The following CPED1 variants were observed in gnomAD, a reference collection of about 807,000 sequenced individuals.
CPED1 encodes cadherin-like and PC-esterase domain-containing protein 1.
Under a neutral mutation model 128.2 loss-of-function variants are expected in CPED1, and 114 were observed. The observed-to-expected ratio is 0.89, with a 90% CI of 0.76 to 1.04. The LOEUF is 1.04. Among genes scored for constraint, CPED1 ranks in the 50% least tolerant of loss-of-function variants. CPED1 has a pLI of 0.00. For missense variants in CPED1, 1,211 were observed against 1,207.1 expected (o/e 1.00, Z -0.05); for synonymous variants, 462 against 426.7 (o/e 1.08, Z -1.02).
Position 121,266,454 on chromosome 7 carries a change from T to G in CPED1, c.2531+7T>G, listed in dbSNP as rs762524996. ...TTGAACACCTCTTGCAAAGGTACAA[T>G]GAAACTATAATGAAAGACACAAAAC... On this transcript the variant is annotated splice_region_variant and intron_variant, in intron 19 of 22. Coordinates refer to ENST00000310396, the MANE Select transcript of CPED1 (RefSeq NM_024913.5). 6 of 1,605,250 alleles carry G rather than the reference T, an allele frequency of 3.7e-6. No homozygotes were observed. Among genetic ancestry groups the G allele is most frequent in the Non-Finnish European group, 4.3e-6 (5 of 1,172,408 alleles).
chr7:121,260,062 C>T (rs1178115149), intron 18 of CPED1, among the ~76,000 whole-genome samples: 3 of 151,236 alleles, frequency 2.0e-5, no homozygotes, highest in Non-Finnish European at 4.4e-5. Context: ...AAAGAGTGCA[C>T]CTCACTCTTA....
chr7:121,283,528 G>C (rs1792502557), intron 22 of CPED1, among the ~76,000 whole-genome samples: 1 of 152,216 alleles, frequency 6.6e-6, no homozygotes, highest in African/African-American at 2.4e-5. Context: ...TAGTCACTAA[G>C]AGTAGGGAAG....
intron 3 of CPED1, among the ~76,000 whole-genome samples, chr7:121,021,548 A>C (rs1792443068): frequency 6.6e-6 from 1 of 152,020 alleles, no homozygotes; most frequent in African/African-American, 2.4e-5. Context: ...CGAGCTTTAA[A>C]TTGCCCATAA....
At chr7:121,090,457 A>G (rs559809758) in intron 5 of CPED1, among the ~76,000 whole-genome samples, 4 of 152,338 alleles carry the variant, frequency 2.6e-5, no homozygotes, top group Admixed American at 6.5e-5. Flanking sequence ...TTCTGAAACC[A>G]TAGAGAATAA....
chr7:121,263,145 G>A (rs548568531), intron 18 of CPED1, among the ~76,000 whole-genome samples: 2 of 152,122 alleles, frequency 1.3e-5, no homozygotes, highest in South Asian at 4.1e-4. Context: ...CATTCAGGTA[G>A]CTCTTGCTAG....
At chr7:121,129,403 A>G (rs577033346) in intron 11 of CPED1, among the ~76,000 whole-genome samples, 28 of 148,466 alleles carry the variant, frequency 1.9e-4, no homozygotes, top group Middle Eastern at 3.3e-3. Context: ...TTAATTAATG[A>G]GTGTTTGATA....
rs183758827 is a variant in CPED1, at chr7:121,005,501, C to T, written c.250-10164C>T. The stretch of plus-strand genomic sequence containing the variant: ...GGGAACATCACACACTGGGGTCTGT[C>T]GGCGGGTGGGGGGCTGGGGAGGGAT... On this transcript the variant is annotated intron_variant, in intron 2 of 22. Transcript: ENST00000310396. Among the ~76,000 whole-genome samples the T allele has an allele frequency of 3.3e-3, 409 of 122,664 alleles. 1 individual carries two copies. Among genetic ancestry groups the T allele is most frequent in the African/African-American group, 0.012 (388 of 32,424 alleles). 80.5% of individuals were successfully genotyped at this position (122,664 alleles called of 152,430 possible).
chr7:121,147,142 A>G (rs1485594885), intron 16 of CPED1, among the ~76,000 whole-genome samples: 2 of 152,124 alleles, frequency 1.3e-5, no homozygotes, highest in African/African-American at 2.4e-5. Context: ...CTACTGTCCT[A>G]TGTGTTTACT....
chr7:121,240,366 G>A (rs1798361970), intron 17 of CPED1, among the ~76,000 whole-genome samples: 1 of 152,084 alleles, frequency 6.6e-6, no homozygotes, highest in African/African-American at 2.4e-5. Flanking sequence ...GAGATTCTGA[G>A]ATCTGATGAA....
chr7:121,214,324 A>T (rs1164356265), intron 16 of CPED1, among the ~76,000 whole-genome samples: 1 of 151,736 alleles, frequency 6.6e-6, no homozygotes, highest in Non-Finnish European at 1.5e-5. Context: ...ACAGAGTCTC[A>T]CTCTGTCACC....
At chr7:121,173,492 GAGA>G (rs1477823945) in intron 16 of CPED1, among the ~76,000 whole-genome samples, 1 of 152,122 alleles carries the variant, frequency 6.6e-6, no homozygotes, top group Non-Finnish European at 1.5e-5. Flanking sequence ...ACTTATAAGT[GAGA>G]AGATGTGGTA....
At chr7:121,252,473 T>C (rs933344689) in intron 18 of CPED1, among the ~76,000 whole-genome samples, 2 of 151,548 alleles carry the variant, frequency 1.3e-5, no homozygotes, top group Non-Finnish European at 1.5e-5. Context: ...AAATGGGATC[T>C]AATTAAACTA....
chr7:121,063,535 G>C (rs1793740787), intron 4 of CPED1, among the ~76,000 whole-genome samples: 1 of 152,034 alleles, frequency 6.6e-6, no homozygotes. Flanking sequence ...TACTTTATTA[G>C]GTTAGAGTGT....
At chr7:121,101,475 ATTTC>A (rs1339273055) in intron 7 of CPED1, among the ~76,000 whole-genome samples, 1 of 151,564 alleles carries the variant, frequency 6.6e-6, no homozygotes, top group Non-Finnish European at 1.5e-5. Flanking sequence ...TGATCCTTCC[ATTTC>A]TATTTATATT....
chr7:121,057,642 G>GCCTCT (rs1793536121), intron 4 of CPED1, among the ~76,000 whole-genome samples: 1 of 152,200 alleles, frequency 6.6e-6, no homozygotes, highest in African/African-American at 2.4e-5. Flanking sequence ...GGCTTGACTT[G>GCCTCT]CAGAATGTCT....
Position 121,176,787 on chromosome 7 carries a change from G to T in CPED1, c.2055+34646G>T, listed in dbSNP as rs1796790557. ...GGAAAGAGCTGCGCTAATATAACTT[G>T]TTGTATGCCTTCTCCTATTTTGAAA... On this transcript the variant is annotated intron_variant, in intron 16 of 22. Coordinates refer to ENST00000310396, the MANE Select transcript of CPED1 (RefSeq NM_024913.5). Among the ~76,000 whole-genome samples, 4 of 152,066 alleles carry T rather than the reference G, an allele frequency of 2.6e-5. No homozygotes were observed. In the South Asian group the frequency reaches 8.3e-4, roughly 31 times the overall value.
chr7:121,217,154 T>C lies in CPED1; in HGVS notation c.2056-19560T>C, dbSNP rs371049424. Among the ~76,000 whole-genome samples, 3 of 151,944 alleles carry C rather than the reference T, an allele frequency of 2.0e-5. No homozygotes were observed. The East Asian group carries it at 5.8e-4, about 30-fold the overall frequency. On this transcript the variant is annotated intron_variant, in intron 16 of 22. Transcript: ENST00000310396. ...ATAGATCACCTTAGACTCAAACTCC[T>C]TGGATCAAGCAATCCTCCTTTCTCA... is the stretch of plus-strand genomic sequence containing the variant.
intron 18 of CPED1, among the ~76,000 whole-genome samples, chr7:121,260,998 G>C (rs1483169559): frequency 6.6e-6 from 1 of 152,032 alleles, no homozygotes; most frequent in Non-Finnish European, 1.5e-5. Context: ...AAGCTAACGA[G>C]TTATACTACC....
chr7:121,251,094 A>C (rs1041117941), intron 18 of CPED1, among the ~76,000 whole-genome samples: 4 of 152,158 alleles, frequency 2.6e-5, no homozygotes, highest in African/African-American at 9.6e-5. Context: ...GAATCCAGCA[A>C]CACATCAAAA....
Sources: gnomAD v4.1 joint callset for allele counts (sites outside exome capture counted in the v4.1 genomes callset) on GRCh38, gnomAD v4.1.1 for gene constraint, MANE v1.5 for transcripts, NCBI Gene and HGNC (gene_info 2026-07-23, HGNC 2026-07-21) for gene names.